Variants in OR2T11 observed in about 807,000 individuals in gnomAD.
OR2T11 encodes the protein olfactory receptor 2T11.
OR2T11 carries 14 observed loss-of-function variants against 13.5 expected under a neutral mutation model. That is an observed-to-expected ratio of 1.04 (90% CI 0.69 to 1.62). The LOEUF (loss-of-function observed/expected upper bound fraction) is 1.62, where lower values mean the gene tolerates loss of function less well. OR2T11 is among the 40% of genes most tolerant of loss of function. The pLI, the probability that OR2T11 is intolerant of heterozygous loss-of-function variation, is 0.00. For synonymous variants in OR2T11, 163 were observed against 154.6 expected (o/e 1.05, Z -0.40); for missense variants, 410 against 389.7 (o/e 1.05, Z -0.44).
rs111960112 is a variant in OR2T11 at position 248,631,366 on chromosome 1, C to T, written c.-145+3672G>A. ...CCACGTGCTCTTCACAGCACCTCGA[C>T]GGGTCGATCACTAATTATCACCATC... On this transcript the variant is annotated intron_variant, in intron 1 of 1. Coordinates refer to ENST00000641193, the MANE Select transcript of OR2T11 (RefSeq NM_001001964.2). Among the ~76,000 whole-genome samples the T allele has an allele frequency of 6.7e-4, 96 of 143,684 alleles. 17 individuals carry two copies. The highest frequency in any genetic ancestry group is 1.7e-3 in the African/African-American group (62 of 36,592). 94.3% of individuals were successfully genotyped at this position (143,684 alleles called of 152,430 possible).
chr1:248,629,442 A>G (rs1031632528), intron 1 of OR2T11, among the ~76,000 whole-genome samples: 7 of 140,904 alleles, frequency 5.0e-5, no homozygotes, highest in Non-Finnish European at 1.1e-4. Flanking sequence ...TTAAAAACCT[A>G]TAATATTTCT....
Position 248,627,058 on chromosome 1 carries a change from A to G in OR2T11, c.71T>C (p.Val24Ala), listed in dbSNP as rs111439506. Residue 24 changes from valine to alanine, a missense_variant, in exon 2 of 2, where the codon GTA becomes GCA. Transcript: ENST00000641193. ...LLVNSEAAGIVFTVILAVFLG... is the reference protein window; with the variant it reads ...LLVNSEAAGIAFTVILAVFLG... ...GAAAACAGCAAGGATCACTGTAAAT[A>G]CAATCCCGGCAGCCTCACTGTTCAC... The G allele has an allele frequency of 1.0e-3, 1,601 of 1,570,994 alleles. 337 individuals carry two copies. In the African/African-American group the frequency reaches 0.021, roughly 21 times the overall value.
Position 248,627,478 on chromosome 1 carries a change from A to G in OR2T11, c.-144-206T>C, listed in dbSNP as rs1405578527. Among the ~76,000 whole-genome samples the G allele has an allele frequency of 1.4e-5, 2 of 143,194 alleles. 1 individual carries two copies. Among genetic ancestry groups the G allele is most frequent in the African/African-American group, 5.5e-5 (2 of 36,282 alleles). The allele number at this position is 143,194 out of a possible 152,430, so 93.9% of individuals were successfully genotyped here. On this transcript the variant is annotated intron_variant, in intron 1 of 1. Transcript: ENST00000641193. ...GTTCTGTCCATGCTGCATTTCTTGT[A>G]TCCAGAAAGTTATCCAGCCCATAGT...
Position 248,631,262 on chromosome 1 carries a change from T to A in OR2T11, c.-145+3776A>T, listed in dbSNP as rs536259418. Reference sequence around the variant, plus strand: ...TTAGCTTTTAAACAAAACTGAGACATGTTGCAATAATGAATTGGCCAGCAC... The same window carrying A: ...TTAGCTTTTAAACAAAACTGAGACAAGTTGCAATAATGAATTGGCCAGCAC... On this transcript the variant is annotated intron_variant, in intron 1 of 1. Transcript: ENST00000641193. Among the ~76,000 whole-genome samples, 126 of 143,704 alleles carry A rather than the reference T, an allele frequency of 8.8e-4. 23 individuals carry two copies. The highest frequency in any genetic ancestry group is 3.2e-3 in the African/African-American group (116 of 36,618). 94.3% of individuals were successfully genotyped at this position (143,704 alleles called of 152,430 possible). A position where few individuals can be genotyped will look rare whatever the true frequency, so the allele number is the denominator to read the frequency against.
In OR2T11 at chr1:248,631,122, A is replaced by C. The variant is rs1228773887; in HGVS notation, c.-144-3850T>G. ...GTAGCCTTCCCAACATCGTGATTTC[A>C]GTCCAGTGAGACCGGTTTCCAACTT... On this transcript the variant is annotated intron_variant, in intron 1 of 1. Transcript: ENST00000641193. 6.3e-5 allele frequency among the ~76,000 whole-genome samples: 9 copies of C among 143,434 alleles called. 1 individual carries two copies. The highest frequency in any genetic ancestry group is 8.2e-5 in the African/African-American group (3 of 36,452). 94.1% of individuals were successfully genotyped at this position (143,434 alleles called of 152,430 possible).
At position 248,628,118 on chromosome 1, in the gene OR2T11, A is replaced by G. The variant is rs1441863927; in HGVS notation, c.-144-846T>C. ...CAGACACACAGGAGCAGGGTTCACC[A>G]AGCTACACGTCTGCCAGCACTTACC... On this transcript the variant is annotated intron_variant, in intron 1 of 1. Transcript: ENST00000641193. 1.4e-5 allele frequency among the ~76,000 whole-genome samples: 2 copies of G among 143,122 alleles called. 1 individual carries two copies. Among genetic ancestry groups the G allele is most frequent in the Non-Finnish European group, 3.0e-5 (2 of 66,200 alleles). The allele number at this position is 143,122 out of a possible 152,430, so 93.9% of individuals were successfully genotyped here. A position where few individuals can be genotyped will look rare whatever the true frequency, so the allele number is the denominator to read the frequency against.
intron 1 of OR2T11, among the ~76,000 whole-genome samples, chr1:248,634,495 C>G (rs1452903577): frequency 7.0e-6 from 1 of 142,822 alleles, no homozygotes; most frequent in Non-Finnish European, 1.5e-5. Context: ...ACGGGAGTCA[C>G]CCAGGTTTAA....
intron 1 of OR2T11, among the ~76,000 whole-genome samples, chr1:248,629,709 C>T (rs1487818680): frequency 7.1e-6 from 1 of 140,656 alleles, no homozygotes; most frequent in East Asian, 2.1e-4. Context: ...TGATCTCCCG[C>T]CGACTCCAGT....
At position 248,629,230 on chromosome 1, in the gene OR2T11, G is replaced by A. The variant is rs888884454; in HGVS notation, c.-144-1958C>T. 1.9e-4 allele frequency among the ~76,000 whole-genome samples: 27 copies of A among 141,670 alleles called. 3 individuals carry two copies. The highest frequency in any genetic ancestry group is 6.5e-4 in the African/African-American group (23 of 35,586). The allele number at this position is 141,670 out of a possible 152,430, so 92.9% of individuals were successfully genotyped here. A position where few individuals can be genotyped will look rare whatever the true frequency, so the allele number is the denominator to read the frequency against. ...GAGATGAGCCTGGGTAACAGAGCTC[G>A]TCTTTATAAAAAACTAGCCAGGCGT... On this transcript the variant is annotated intron_variant, in intron 1 of 1. Transcript: ENST00000641193.
chr1:248,628,342 C>T (rs1219882525), intron 1 of OR2T11, among the ~76,000 whole-genome samples: 2 of 141,556 alleles, frequency 1.4e-5, no homozygotes, highest in African/African-American at 2.8e-5. Flanking sequence ...ACCTCCTCCC[C>T]GGCATGGTAG....
In OR2T11 at chr1:248,632,795, G is replaced by A. The variant is rs1448738182; in HGVS notation, c.-145+2243C>T. ...TGCACATCTACTCAGCTGGGCCTTG[G>A]ATTGCCAGAGGCAGAGGGCTTGAAC... On this transcript the variant is annotated intron_variant, in intron 1 of 1. Transcript: ENST00000641193. 3.1e-4 allele frequency among the ~76,000 whole-genome samples: 5 copies of A among 16,264 alleles called. 2 individuals are homozygous for A. Among genetic ancestry groups the A allele is most frequent in the African/African-American group, 4.8e-4 (5 of 10,318 alleles). 10.7% of individuals were successfully genotyped at this position (16,264 alleles called of 152,430 possible). A position where few individuals can be genotyped will look rare whatever the true frequency, so the allele number is the denominator to read the frequency against.
chr1:248,631,602 T>A (rs918627941), intron 1 of OR2T11, among the ~76,000 whole-genome samples: 1 of 143,662 alleles, frequency 7.0e-6, no homozygotes, highest in African/African-American at 2.7e-5. Flanking sequence ...AAGGAAAAGT[T>A]GAATTTCTGA....
In OR2T11 at chr1:248,626,531, A is replaced by G; in HGVS notation, c.598T>C (p.Cys200Arg). 1 of 1,568,056 alleles carries G rather than the reference A, an allele frequency of 6.4e-7. No homozygotes were observed. Among genetic ancestry groups the G allele is most frequent in the East Asian group, 2.3e-5 (1 of 43,654 alleles). ...SLYETLMYIC[C>R]VLMLLIPISI... ...ATGGGGATGAGCAACATGAGGACAC[A>G]GCAGATGTACATCAGAGTTTCATAC... is the stretch of plus-strand genomic sequence containing the variant. The change falls in exon 2 of 2, where the codon TGT (cysteine) becomes CGT (arginine). Residue 200 changes from cysteine (C) to arginine (R), a missense_variant. By Grantham distance (180) the Cys-to-Arg change is radical. Coordinates refer to ENST00000641193, the MANE Select transcript of OR2T11 (RefSeq NM_001001964.2).
rs1660659458 is a variant in OR2T11 at position 248,634,560 on chromosome 1, G to T, written c.-145+478C>A. 1.4e-5 allele frequency among the ~76,000 whole-genome samples: 2 copies of T among 141,296 alleles called. 1 individual carries two copies. The highest frequency in any genetic ancestry group is 5.6e-5 in the African/African-American group (2 of 35,622). 92.7% of individuals were successfully genotyped at this position (141,296 alleles called of 152,430 possible). A position where few individuals can be genotyped will look rare whatever the true frequency, so the allele number is the denominator to read the frequency against. ...AAAAAGAAGCTTAAAAATGCATCTG[G>T]TTTTTATCATTTGTGTGTGAATCAG... On this transcript the variant is annotated intron_variant, in intron 1 of 1. Transcript: ENST00000641193.
chr1:248,633,439 C>CA (rs1660639968), intron 1 of OR2T11, among the ~76,000 whole-genome samples: 1 of 134,478 alleles, frequency 7.4e-6, no homozygotes, highest in African/African-American at 3.0e-5. Flanking sequence ...TAGAAATAAT[C>CA]AAAAAAGGTA....
At chr1:248,629,823 G>A (rs1415705580) in intron 1 of OR2T11, among the ~76,000 whole-genome samples, 2 of 141,220 alleles carry the variant, frequency 1.4e-5, no homozygotes, top group East Asian at 2.1e-4. Context: ...CCCTTGCCTG[G>A]GGCTCCTCCT....
rs1162940419 is a variant in OR2T11, at chr1:248,625,335, CTG to C, written c.*841_*842del. 7.0e-6 allele frequency: 1 copy of C among 143,738 alleles called. No individual in the cohort carries two copies. Among genetic ancestry groups the C allele is most frequent in the Admixed American group, 6.8e-5 (1 of 14,748 alleles). The allele number at this position is 143,738 out of a possible 1,614,324, so 8.9% of individuals were successfully genotyped here. ...GCATAGTGATGCTTTAAAAACGTGTCTGTTATCATGTAACACCCGCATGGAAA... is the reference window on the plus strand; with the variant it reads ...GCATAGTGATGCTTTAAAAACGTGTCTTATCATGTAACACCCGCATGGAAA... On this transcript the variant is annotated 3_prime_UTR_variant, in exon 2 of 2. Coordinates refer to ENST00000641193, the MANE Select transcript of OR2T11 (RefSeq NM_001001964.2).
rs1426621600 is a variant in OR2T11, at chr1:248,626,952, C to CA, written c.176dup (p.Leu60AlafsTer26). 1.9e-6 allele frequency: 3 copies of CA among 1,572,090 alleles called. 1 individual carries two copies. The highest frequency in any genetic ancestry group is 2.6e-6 in the Non-Finnish European group (3 of 1,156,300). ...TGTCCATGATGGACAGCTGACTGAG[C>CA]AGAAAGTACATGGGGGTGTGGAGGC... On this transcript the variant is annotated frameshift_variant, in exon 2 of 2. Transcript: ENST00000641193. LOFTEE classifies it high-confidence loss of function.
chr1:248,627,409 C>CGGCG, intron 1 of OR2T11, 137 bp from the exon 2 acceptor site: 1 of 429,376 alleles, frequency 2.3e-6, no homozygotes, highest in Non-Finnish European at 4.1e-6. Context: ...CTGCGTGATA[C>CGGCG]AATTGCTGTA....
Sources: gnomAD v4.1 joint callset for allele counts (sites outside exome capture counted in the v4.1 genomes callset) on GRCh38, gnomAD v4.1.1 for gene constraint, MANE v1.5 for transcripts, NCBI Gene and HGNC (gene_info 2026-07-23, HGNC 2026-07-21) for gene names.